The following TRIM11 variants were observed in gnomAD, a reference collection of about 807,000 sequenced individuals.
TRIM11 encodes the protein E3 ubiquitin-protein ligase TRIM11.
In TRIM11, 15 loss-of-function variants were observed where a neutral mutation model predicts 33.4. The observed-to-expected ratio is 0.45, with a 90% CI of 0.30 to 0.69. TRIM11 has a LOEUF of 0.69. TRIM11 is among the 30% of genes least tolerant of loss of function. The pLI is 0.08. For synonymous variants in TRIM11, 281 were observed against 302.6 expected (o/e 0.93, Z 0.74); for missense variants, 499 against 667.6 (o/e 0.75, Z 2.78).
chr1:228,403,380 G>A lies in TRIM11; in HGVS notation c.409-1219C>T, dbSNP rs1389608630. The A allele has an allele frequency of 1.3e-5, 2 of 152,094 alleles. No homozygotes were observed. The highest frequency in any genetic ancestry group is 2.9e-5 in the Non-Finnish European group (2 of 68,098). 9.4% of individuals were successfully genotyped at this position (152,094 alleles called of 1,614,324 possible). ...CTTCAGCCCAGCTGCCTGGCTCCAGGTGCTCACTTTAGTTCACCACTTGGC... is the reference window on the plus strand; with the variant it reads ...CTTCAGCCCAGCTGCCTGGCTCCAGATGCTCACTTTAGTTCACCACTTGGC... On this transcript the variant is annotated intron_variant, in intron 1 of 5. Coordinates refer to ENST00000284551, the MANE Select transcript of TRIM11 (RefSeq NM_145214.3). The surrounding 1 kb of genome is among the most constrained non-coding windows in gnomAD (Gnocchi z 4.8).
Position 228,394,863 on chromosome 1 carries a change from A to G in TRIM11, c.1249T>C (p.Phe417Leu), listed in dbSNP as rs776797675. The G allele has an allele frequency of 1.2e-6, 2 of 1,613,994 alleles. No homozygotes were observed. Among genetic ancestry groups the G allele is most frequent in the Non-Finnish European group, 1.7e-6 (2 of 1,179,966 alleles). Reference protein sequence around the residue: ...FLDYEAGHLSFYSATDGSLLF... With the variant: ...FLDYEAGHLSLYSATDGSLLF... ...AGTGACCCATCGGTGGCACTGTAGAAAGAGAGATGTCCAGCCTCGTAGTCC... is the reference window on the plus strand; with the variant it reads ...AGTGACCCATCGGTGGCACTGTAGAGAGAGAGATGTCCAGCCTCGTAGTCC... The change falls in exon 6 of 6, where the codon TTC becomes CTC. Residue 417 changes from phenylalanine to leucine, a missense_variant. By Grantham distance (22) the Phe-to-Leu change is conservative (BLOSUM62 0). Coordinates refer to ENST00000284551, the MANE Select transcript of TRIM11 (RefSeq NM_145214.3). The surrounding 1 kb of genome is among the most constrained non-coding windows in gnomAD (Gnocchi z 6.2).
chr1:228,404,930 T>C (rs1656348674), intron 1 of TRIM11: 1 of 152,260 alleles, frequency 6.6e-6, no homozygotes, highest in Admixed American at 6.5e-5. Context: ...TAATTTGTCT[T>C]GTGCCAGTTT....
Position 228,403,490 on chromosome 1 carries a change from C to A in TRIM11, c.409-1329G>T, listed in dbSNP as rs1009228197. 6.6e-6 allele frequency: 1 copy of A among 152,358 alleles called. No homozygotes were observed. Among genetic ancestry groups the A allele is most frequent in the African/African-American group, 2.4e-5 (1 of 41,464 alleles). 9.4% of individuals were successfully genotyped at this position (152,358 alleles called of 1,614,324 possible). On this transcript the variant is annotated intron_variant, in intron 1 of 5. Transcript: ENST00000284551. This position sits in a 1 kb window ranked among gnomAD's most constrained non-coding sequence, Gnocchi z 4.8. ...TGCCTAGGCTCAGCTCTCACGTGAGCTACAAGAACCCCAAATGGCGGTCCC... is the reference window on the plus strand; with the variant it reads ...TGCCTAGGCTCAGCTCTCACGTGAGATACAAGAACCCCAAATGGCGGTCCC...
At chr1:228,397,238 C>CA in intron 3 of TRIM11, 73 bp from the exon 4 acceptor site, 1 of 1,551,900 alleles carries the variant, frequency 6.4e-7, no homozygotes, top group Non-Finnish European at 8.8e-7. Flanking sequence ...CTCCCCGCCC[C>CA]TGGAGCCTCG....
intron 1 of TRIM11, chr1:228,402,393 G>A (rs1656267188): frequency 4.7e-6 from 2 of 429,130 alleles, no homozygotes; most frequent in South Asian, 3.1e-5. Flanking sequence ...CTCATATGGG[G>A]CATTTCTAGT....
chr1:228,405,115 G>T (rs1174010718), intron 1 of TRIM11: 1 of 152,252 alleles, frequency 6.6e-6, no homozygotes, highest in Non-Finnish European at 1.5e-5. Flanking sequence ...AATTCTGCTG[G>T]GCTAACATGT....
chr1:228,406,658 G>T lies in TRIM11; in HGVS notation c.-97C>A. 1 of 1,202,066 alleles carries T rather than the reference G, an allele frequency of 8.3e-7. No individual in the cohort carries two copies. The highest frequency in any genetic ancestry group is 1.1e-6 in the Non-Finnish European group (1 of 940,040). 74.5% of individuals were successfully genotyped at this position (1,202,066 alleles called of 1,614,324 possible). A position where few individuals can be genotyped will look rare whatever the true frequency, so the allele number is the denominator to read the frequency against. ...ACGCGGGGTATCCGGGTGCGGCGGCGCAGGCTCGGGCACTCCGGGGCGCGA... is the reference window on the plus strand; with the variant it reads ...ACGCGGGGTATCCGGGTGCGGCGGCTCAGGCTCGGGCACTCCGGGGCGCGA... On this transcript the variant is annotated 5_prime_UTR_variant, in exon 1 of 6. Transcript: ENST00000284551. This position sits in a 1 kb window ranked among gnomAD's most constrained non-coding sequence, Gnocchi z 8.2.
chr1:228,401,166 A>G lies in TRIM11; in HGVS notation c.533T>C (p.Val178Ala). 6.2e-7 allele frequency: 1 copy of G among 1,613,354 alleles called. No individual in the cohort carries two copies. The highest frequency in any genetic ancestry group is 8.5e-7 in the Non-Finnish European group (1 of 1,179,844). The change falls in exon 3 of 6, where the codon GTG (valine) becomes GCG (alanine). Residue 178 changes from valine to alanine, a missense_variant. Transcript: ENST00000284551. This position sits in a 1 kb window ranked among gnomAD's most constrained non-coding sequence, Gnocchi z 6.1. ...GCGAAGACGCTCGAACTCACCCAGC[A>G]CGTTCTGCCGCTGGCTCTCCACCAT... Reference protein sequence around the residue: ...QKMVESQRQNVLGEFERLRRL... With the variant: ...QKMVESQRQNALGEFERLRRL...
At chr1:228,399,461 G>A (rs183980996) in intron 3 of TRIM11, among the ~76,000 whole-genome samples, 492 of 39,396 alleles carry the variant, frequency 0.012, 7 homozygotes, top group East Asian at 0.11. Context: ...CCACCCACCC[G>A]CCCACATGCC....
At position 228,406,073 on chromosome 1, in the gene TRIM11, C is replaced by T. The variant is rs1175675026; in HGVS notation, c.408+81G>A. On this transcript the variant is annotated intron_variant, in intron 1 of 5. Coordinates refer to ENST00000284551, the MANE Select transcript of TRIM11 (RefSeq NM_145214.3). The surrounding 1 kb of genome is among the most constrained non-coding windows in gnomAD (Gnocchi z 8.2). ...AGAGACAGATTACTCCCGGAGCAGTCCCCCAAACCTCCCACCCGCCCAGGC... is the reference window on the plus strand; with the variant it reads ...AGAGACAGATTACTCCCGGAGCAGTTCCCCAAACCTCCCACCCGCCCAGGC... 6.2e-6 allele frequency: 8 copies of T among 1,290,326 alleles called. No homozygotes were observed. The East Asian group carries it at 1.9e-4, about 30-fold the overall frequency. The allele number at this position is 1,290,326 out of a possible 1,614,324, so 79.9% of individuals were successfully genotyped here.
Position 228,406,706 on chromosome 1 carries a change from G to T in TRIM11, c.-145C>A. 1 of 745,350 alleles carries T rather than the reference G, an allele frequency of 1.3e-6. No homozygotes were observed. The highest frequency in any genetic ancestry group is 1.9e-6 in the Non-Finnish European group (1 of 538,372). 46.2% of individuals were successfully genotyped at this position (745,350 alleles called of 1,614,324 possible). ...CGAGGCTCGGGACTCCCGGGTGCTC[G>T]GGCTCCGGGGCGCGGGGACTCCAGG... is the stretch of plus-strand genomic sequence containing the variant. On this transcript the variant is annotated 5_prime_UTR_variant, in exon 1 of 6. Coordinates refer to ENST00000284551, the MANE Select transcript of TRIM11 (RefSeq NM_145214.3). This position sits in a 1 kb window ranked among gnomAD's most constrained non-coding sequence, Gnocchi z 8.2.
At position 228,406,181 on chromosome 1, in the gene TRIM11, C is replaced by T. The variant is rs768762292; in HGVS notation, c.381G>A (p.Pro127=). The change falls in exon 1 of 6, where the codon CCG becomes CCA. Residue 127 remains proline, a synonymous_variant. Coordinates refer to ENST00000284551, the MANE Select transcript of TRIM11 (RefSeq NM_145214.3). The surrounding 1 kb of genome is among the most constrained non-coding windows in gnomAD (Gnocchi z 8.2). ...SGEHWAHRVR[P]LQDAAEDLKA... ...TGAGGTCTTCGGCCGCGTCCTGCAG[C>T]GGCCGCACGCGGTGCGCCCAGTGCT... is the stretch of plus-strand genomic sequence containing the variant. The T allele has an allele frequency of 7.0e-7, 1 of 1,426,774 alleles. No homozygotes were observed. Among genetic ancestry groups the T allele is most frequent in the South Asian group, 1.4e-5 (1 of 69,942 alleles). The allele number at this position is 1,426,774 out of a possible 1,614,324, so 88.4% of individuals were successfully genotyped here. A position where few individuals can be genotyped will look rare whatever the true frequency, so the allele number is the denominator to read the frequency against.
Position 228,394,857 on chromosome 1 carries a change from T to C in TRIM11, c.1255A>G (p.Ser419Gly). The C allele has an allele frequency of 6.2e-7, 1 of 1,613,938 alleles. No homozygotes were observed. The highest frequency in any genetic ancestry group is 8.5e-7 in the Non-Finnish European group (1 of 1,179,964). Residue 419 changes from serine (S) to glycine (G), a missense_variant, in exon 6 of 6, where the codon AGT becomes GGT. Coordinates refer to ENST00000284551, the MANE Select transcript of TRIM11 (RefSeq NM_145214.3). This position sits in a 1 kb window ranked among gnomAD's most constrained non-coding sequence, Gnocchi z 6.2. ...DYEAGHLSFY[S>G]ATDGSLLFIF... ...AATAGCAGTGACCCATCGGTGGCAC[T>C]GTAGAAAGAGAGATGTCCAGCCTCG...
Position 228,400,007 on chromosome 1 carries a change from A to G in TRIM11, c.735+957T>C, listed in dbSNP as rs1656130512. ...CTGCTGGGCTCCAGAGGCCGGCAGC[A>G]GGTCACCCCCTGTGCAAAGCCGCCC... is the stretch of plus-strand genomic sequence containing the variant. On this transcript the variant is annotated intron_variant, in intron 3 of 5. Transcript: ENST00000284551. This position sits in a 1 kb window ranked among gnomAD's most constrained non-coding sequence, Gnocchi z 4.5. Among the ~76,000 whole-genome samples, 1 of 152,116 alleles carries G rather than the reference A, an allele frequency of 6.6e-6. No individual in the cohort carries two copies.
At position 228,406,479 on chromosome 1, in the gene TRIM11, A is replaced by T; in HGVS notation, c.83T>A (p.Met28Lys). The change falls in exon 1 of 6, where the codon ATG becomes AAG. Residue 28 changes from methionine (M) to lysine (K), a missense_variant. Coordinates refer to ENST00000284551, the MANE Select transcript of TRIM11 (RefSeq NM_145214.3). This position sits in a 1 kb window ranked among gnomAD's most constrained non-coding sequence, Gnocchi z 8.2. ...GCAGAAGTTGTGGCCGCAGTCGGTC[A>T]TCACCGGATCCGTGAAGTAGTCGAG... Reference protein sequence around the residue: ...ICLDYFTDPVMTDCGHNFCRE... With the variant: ...ICLDYFTDPVKTDCGHNFCRE... The T allele has an allele frequency of 6.3e-7, 1 of 1,590,036 alleles. No individual in the cohort carries two copies. The highest frequency in any genetic ancestry group is 8.5e-7 in the Non-Finnish European group (1 of 1,171,452).
chr1:228,404,543 G>A (rs777726827), intron 1 of TRIM11: 2 of 152,194 alleles, frequency 1.3e-5, no homozygotes, highest in Admixed American at 6.5e-5. Flanking sequence ...CAAATATACC[G>A]CTGTGGTACA....
chr1:228,405,893 C>T, intron 1 of TRIM11: 1 of 408,590 alleles, frequency 2.4e-6, no homozygotes, highest in Non-Finnish European at 4.3e-6. Context: ...AGGTACGCCC[C>T]TCACCCCCGA....
At chr1:228,405,943 G>T (rs1656394923) in intron 1 of TRIM11, 1 of 466,824 alleles carries the variant, frequency 2.1e-6, no homozygotes, top group African/African-American at 2.1e-5. Flanking sequence ...CAGCCTCAAG[G>T]GGCCTGGTTG....
chr1:228,395,324 C>G lies in TRIM11; in HGVS notation c.860-72G>C. 1.4e-6 allele frequency: 2 copies of G among 1,382,118 alleles called. No individual in the cohort carries two copies. The highest frequency in any genetic ancestry group is 1.9e-6 in the Non-Finnish European group (2 of 1,069,094). The allele number at this position is 1,382,118 out of a possible 1,614,324, so 85.6% of individuals were successfully genotyped here. On this transcript the variant is annotated intron_variant, in intron 5 of 5. Transcript: ENST00000284551. The surrounding 1 kb of genome is among the most constrained non-coding windows in gnomAD (Gnocchi z 4.8). ...TGGGGCCATCTGCCCATGTCCTGGG[C>G]ATGTAGGTACAATCCTCCCAGTCGG...
Sources: gnomAD v4.1 joint callset for allele counts (sites outside exome capture counted in the v4.1 genomes callset) on GRCh38, gnomAD v4.1.1 for gene constraint, Gnocchi (gnomAD v3.1) non-coding constraint, MANE v1.5 for transcripts, NCBI Gene and HGNC (gene_info 2026-07-23, HGNC 2026-07-21) for gene names.